Variants in LRRIQ1 observed in about 807,000 individuals in gnomAD.
LRRIQ1 encodes the protein leucine rich repeats and IQ motif containing 1.
LRRIQ1 carries 210 observed loss-of-function variants against 211.9 expected under a neutral mutation model. The observed-to-expected ratio is 0.99, with a 90% CI of 0.89 to 1.11. LRRIQ1 has a LOEUF of 1.11. LRRIQ1 is among the 50% of genes most tolerant of loss of function. The probability of loss-of-function intolerance (pLI) is 0.00; values close to 1 mark genes in which losing one functional copy is unlikely to be tolerated. For missense variants in LRRIQ1, 2,136 were observed against 1,939.5 expected (o/e 1.10, Z -1.90); for synonymous variants, 699 against 650.1 (o/e 1.08, Z -1.14).
chr12:85,153,175 A>C, intron 21 of LRRIQ1, 30 bp downstream of exon 21: 1 of 1,562,582 alleles, frequency 6.4e-7, no homozygotes, highest in Non-Finnish European at 8.7e-7. Context: ...TAGAGAATCA[A>C]CTTGTGAATG....
Position 85,121,313 on chromosome 12 carries a change from A to G in LRRIQ1, c.3378-384A>G, listed in dbSNP as rs1887966174. ...AACAGAATATACCTCTATTTCTGAA[A>G]TAAAAGACAACTTTTGGTAAGATTA... On this transcript the variant is annotated intron_variant, in intron 15 of 26. Coordinates refer to ENST00000393217, the MANE Select transcript of LRRIQ1 (RefSeq NM_001079910.2). 2.6e-5 allele frequency among the ~76,000 whole-genome samples: 4 copies of G among 152,202 alleles called. No individual in the cohort carries two copies. In the South Asian group the frequency reaches 8.3e-4, roughly 31 times the overall value.
At chr12:85,218,316 G>A (rs1018042901) in intron 24 of LRRIQ1, among the ~76,000 whole-genome samples, 6 of 151,920 alleles carry the variant, frequency 3.9e-5, no homozygotes, top group African/African-American at 7.2e-5. Context: ...CTAGAACCCC[G>A]AAGTTGACCT....
intron 24 of LRRIQ1, among the ~76,000 whole-genome samples, chr12:85,192,591 ATAATTGTGTATATATAGTTATATAC>A: frequency 8.8e-6 from 1 of 114,174 alleles, no homozygotes; most frequent in Non-Finnish European, 1.6e-5. Context: ...GTTATATACT[ATAATTGTGTATATATAGTTATATAC>A]TATAATTATA....
At chr12:85,136,251 C>CA (rs1889124071) in intron 18 of LRRIQ1, among the ~76,000 whole-genome samples, 1 of 151,918 alleles carries the variant, frequency 6.6e-6, no homozygotes, top group African/African-American at 2.4e-5. Context: ...ATGGGCTACT[C>CA]AGAGTATATG....
Position 85,166,266 on chromosome 12 carries a change from C to T in LRRIQ1, c.4822+5552C>T, listed in dbSNP as rs188858680. On this transcript the variant is annotated intron_variant, in intron 24 of 26. Coordinates refer to ENST00000393217, the MANE Select transcript of LRRIQ1 (RefSeq NM_001079910.2). ...TGGCGCAACAACTTTCTGAGGAATACGGGTTTATTTAGTCTTAGCTCCTCC... is the reference window on the plus strand; with the variant it reads ...TGGCGCAACAACTTTCTGAGGAATATGGGTTTATTTAGTCTTAGCTCCTCC... 8.5e-5 allele frequency among the ~76,000 whole-genome samples: 13 copies of T among 152,224 alleles called. No homozygotes were observed. The East Asian group carries it at 1.4e-3, about 16-fold the overall frequency.
chr12:85,229,691 A>C (rs757156640), intron 25 of LRRIQ1, 42 bp downstream of exon 25: 6 of 1,578,340 alleles, frequency 3.8e-6, no homozygotes, highest in Admixed American at 1.9e-5. Flanking sequence ...TATTGTAAAC[A>C]CATCTTGAAA....
intron 24 of LRRIQ1, among the ~76,000 whole-genome samples, chr12:85,164,771 A>G (rs1307650275): frequency 6.6e-6 from 1 of 152,186 alleles, no homozygotes; most frequent in African/African-American, 2.4e-5. Flanking sequence ...GGGAAATGGT[A>G]ATAATTTCTT....
At chr12:85,074,282 A>G (rs1054394556) in intron 11 of LRRIQ1, among the ~76,000 whole-genome samples, 20 of 152,004 alleles carry the variant, frequency 1.3e-4, no homozygotes, top group Non-Finnish European at 2.5e-4. Flanking sequence ...AAATATTCAT[A>G]CCAGTTTTAT....
At chr12:85,098,266 G>C (rs563627440) in intron 11 of LRRIQ1, 89 bp from the exon 12 acceptor site, 1 of 774,440 alleles carries the variant, frequency 1.3e-6, no homozygotes, top group Non-Finnish European at 2.0e-6. Flanking sequence ...AAATACAAAG[G>C]TGCAATTATT....
intron 23 of LRRIQ1, among the ~76,000 whole-genome samples, chr12:85,156,921 A>G (rs899378409): frequency 6.6e-6 from 1 of 151,858 alleles, no homozygotes; most frequent in Non-Finnish European, 1.5e-5. Flanking sequence ...ATGGAGCACA[A>G]TTGCAAGAAG....
intron 8 of LRRIQ1, among the ~76,000 whole-genome samples, chr12:85,062,727 TAGGTGGGTTGA>T (rs1286412697): frequency 1.3e-5 from 2 of 151,776 alleles, no homozygotes; most frequent in Non-Finnish European, 2.9e-5. Context: ...AGTAATGGGA[TAGGTGGGTTGA>T]ATGGTGGTTC....
At chr12:85,124,553 G>A (rs1249694799) in intron 17 of LRRIQ1, 34 bp downstream of exon 17, 1 of 1,485,090 alleles carries the variant, frequency 6.7e-7, no homozygotes, top group South Asian at 1.1e-5. Flanking sequence ...TTTTATAGAT[G>A]TATGTTTACT....
chr12:85,197,953 TTATATATTATATATAA>T (rs1893039912), intron 24 of LRRIQ1, among the ~76,000 whole-genome samples: 1 of 108,240 alleles, frequency 9.2e-6, no homozygotes, highest in African/African-American at 3.6e-5. Flanking sequence ...TTATATATAA[TTATATATTATATATAA>T]ATATATATAA....
At chr12:85,121,974 G>A in intron 16 of LRRIQ1, 98 bp downstream of exon 16, 1 of 1,044,144 alleles carries the variant, frequency 9.6e-7, no homozygotes, top group Non-Finnish European at 1.3e-6. Flanking sequence ...ATACTTTTTT[G>A]GATTAGAACA....
chr12:85,236,692 T>A (rs1359132727), intron 26 of LRRIQ1, among the ~76,000 whole-genome samples: 1 of 151,552 alleles, frequency 6.6e-6, no homozygotes, highest in Non-Finnish European at 1.5e-5. Context: ...CCTATTAGTC[T>A]GCAAGCCCGT....
At chr12:85,071,622 A>T (rs940081227) in intron 10 of LRRIQ1, among the ~76,000 whole-genome samples, 1 of 152,038 alleles carries the variant, frequency 6.6e-6, no homozygotes, top group East Asian at 1.9e-4. Context: ...GCCTATTCTC[A>T]TGCTGCTGAT....
At chr12:85,071,878 C>A (rs1883120376) in intron 10 of LRRIQ1, among the ~76,000 whole-genome samples, 1 of 152,006 alleles carries the variant, frequency 6.6e-6, no homozygotes, top group African/African-American at 2.4e-5. Context: ...CAGTTATCTC[C>A]ACCTGGCCTG....
intron 1 of LRRIQ1, among the ~76,000 whole-genome samples, chr12:85,253,105 A>AATG: frequency 6.6e-6 from 1 of 152,164 alleles, no homozygotes; most frequent in East Asian, 1.9e-4. Flanking sequence ...AAGCATTAAT[A>AATG]ATGAACATCA....
chr12:85,048,709 CAT>C (rs757438541), intron 6 of LRRIQ1: 5 of 151,898 alleles, frequency 3.3e-5, no homozygotes, highest in African/African-American at 1.2e-4. Context: ...ACCAGAATGA[CAT>C]AGTCATTTCT....
Sources: gnomAD v4.1 joint callset for allele counts (sites outside exome capture counted in the v4.1 genomes callset) on GRCh38, gnomAD v4.1.1 for gene constraint, MANE v1.5 for transcripts, NCBI Gene and HGNC (gene_info 2026-07-23, HGNC 2026-07-21) for gene names.